The following CSMD2 variants were observed in gnomAD, a reference collection of about 807,000 sequenced individuals.
CSMD2 encodes the protein CUB and Sushi multiple domains 2.
Under a neutral mutation model 398.5 loss-of-function variants are expected in CSMD2, and 130 were observed. The observed-to-expected ratio is 0.33, with a 90% CI of 0.28 to 0.38. CSMD2 has a LOEUF of 0.38. Among genes scored for constraint, CSMD2 ranks in the 10% least tolerant of loss-of-function variants. CSMD2 has a pLI of 1.00. For synonymous variants in CSMD2, 1,828 were observed against 1,908.5 expected (o/e 0.96, Z 1.10); for missense variants, 3,829 against 4,764.9 (o/e 0.80, Z 5.78).
At chr1:34,114,835 A>C (rs1661448482) in intron 1 of CSMD2, among the ~76,000 whole-genome samples, 1 of 152,178 alleles carries the variant, frequency 6.6e-6, no homozygotes, top group African/African-American at 2.4e-5. Flanking sequence ...GGACACAAAT[A>C]GACAAACTAA....
chr1:33,529,734 T>C (rs550312616), intron 64 of CSMD2, among the ~76,000 whole-genome samples: 6 of 152,322 alleles, frequency 3.9e-5, no homozygotes, highest in Admixed American at 3.9e-4. Flanking sequence ...CACAGTTTCT[T>C]AGATATGACA....
At chr1:33,912,728 C>G (rs1190688238) in intron 5 of CSMD2, among the ~76,000 whole-genome samples, 1 of 152,172 alleles carries the variant, frequency 6.6e-6, no homozygotes, top group Non-Finnish European at 1.5e-5. Context: ...GTGCCTGACT[C>G]ACTGTGGAGT....
At chr1:33,571,931 T>C (rs1053515094) in intron 50 of CSMD2, among the ~76,000 whole-genome samples, 1 of 152,082 alleles carries the variant, frequency 6.6e-6, no homozygotes, top group African/African-American at 2.4e-5. Context: ...GCTAAAAAAT[T>C]AAAAATTAAA....
chr1:33,633,730 A>G lies in CSMD2; in HGVS notation c.5087-195T>C, dbSNP rs1229329851. On this transcript the variant is annotated intron_variant, in intron 31 of 70. Transcript: ENST00000373381. This position sits in a 1 kb window ranked among gnomAD's most constrained non-coding sequence, Gnocchi z 5.0. Reference sequence around the variant, plus strand: ...AGACACCCGGCACAGGGAGGCGGGGAGCTGGGAAGGCCGGGCTGGCCTTCA... The same window carrying G: ...AGACACCCGGCACAGGGAGGCGGGGGGCTGGGAAGGCCGGGCTGGCCTTCA... Among the ~76,000 whole-genome samples the G allele has an allele frequency of 1.3e-5, 2 of 152,200 alleles. No homozygotes were observed. The highest frequency in any genetic ancestry group is 2.9e-5 in the Non-Finnish European group (2 of 68,008).
intron 1 of CSMD2, among the ~76,000 whole-genome samples, chr1:34,144,055 C>T (rs1639545566): frequency 1.3e-5 from 2 of 152,072 alleles, no homozygotes; most frequent in South Asian, 4.2e-4. Context: ...CAGAGATAAG[C>T]GGGCCAGATG....
chr1:34,126,813 G>A, intron 1 of CSMD2, among the ~76,000 whole-genome samples: 1 of 151,342 alleles, frequency 6.6e-6, no homozygotes, highest in African/African-American at 2.4e-5. Flanking sequence ...AGGGGAGAGA[G>A]AGAGACATAG....
chr1:33,688,745 G>A (rs1451982574), intron 25 of CSMD2, among the ~76,000 whole-genome samples: 1 of 152,136 alleles, frequency 6.6e-6, no homozygotes, highest in Non-Finnish European at 1.5e-5. Context: ...GAACCTGGAA[G>A]GTAGGGGTTG....
intron 3 of CSMD2, among the ~76,000 whole-genome samples, chr1:33,961,033 C>T (rs1194168262): frequency 6.6e-6 from 1 of 152,216 alleles, no homozygotes; most frequent in Non-Finnish European, 1.5e-5. Flanking sequence ...GTTTACTGGG[C>T]CTTATATGAA....
chr1:33,759,333 T>G (rs1401012099), intron 13 of CSMD2, among the ~76,000 whole-genome samples: 11 of 140,968 alleles, frequency 7.8e-5, no homozygotes, highest in South Asian at 2.3e-4. Flanking sequence ...TCTTTTTTTT[T>G]TTTTTTTTTT....
chr1:33,584,345 C>A (rs1638927504), intron 46 of CSMD2, among the ~76,000 whole-genome samples: 1 of 152,126 alleles, frequency 6.6e-6, no homozygotes, highest in Non-Finnish European at 1.5e-5. Context: ...ACAGAGATAA[C>A]ACAGACCTTA....
intron 65 of CSMD2, among the ~76,000 whole-genome samples, chr1:33,526,388 T>C (rs114801095): frequency 9.4e-4 from 143 of 152,362 alleles, no homozygotes; most frequent in Non-Finnish European, 1.6e-3. Flanking sequence ...TCTCCCTGTA[T>C]AGGCTATGCC....
chr1:33,869,663 CCCAGGA>C (rs1176245132), intron 5 of CSMD2, among the ~76,000 whole-genome samples: 1 of 152,170 alleles, frequency 6.6e-6, no homozygotes, highest in Non-Finnish European at 1.5e-5. Context: ...TGCTCCTGGT[CCCAGGA>C]CCACAGACAA....
At chr1:33,588,920 A>C (rs1435898086) in intron 44 of CSMD2, among the ~76,000 whole-genome samples, 1 of 152,218 alleles carries the variant, frequency 6.6e-6, no homozygotes, top group African/African-American at 2.4e-5. Context: ...ATGGAATTGG[A>C]GCCCCTTTCC....
Position 34,099,936 on chromosome 1 carries a change from G to A in CSMD2, c.188-10743C>T, listed in dbSNP as rs1463956426. The stretch of plus-strand genomic sequence containing the variant: ...AAAGAGGGCAGATTGTAATAGGCAA[G>A]ATTGGCTGATGAGAAGGTGGAAGGC... On this transcript the variant is annotated intron_variant, in intron 1 of 70. Coordinates refer to ENST00000373381, the MANE Select transcript of CSMD2 (RefSeq NM_001281956.2). Among the ~76,000 whole-genome samples the A allele has an allele frequency of 2.6e-5, 4 of 152,198 alleles. No homozygotes were observed. The East Asian group carries it at 7.7e-4, about 29-fold the overall frequency.
At chr1:33,884,027 A>G (rs1641415047) in intron 5 of CSMD2, among the ~76,000 whole-genome samples, 1 of 152,260 alleles carries the variant, frequency 6.6e-6, no homozygotes, top group East Asian at 1.9e-4. Context: ...CCATGACCAT[A>G]GCAGACACAC....
rs1553316154 is a variant in CSMD2 at position 34,103,314 on chromosome 1, T to TTTTTTTC, written c.188-14122_188-14121insGAAAAAA. Reference sequence around the variant, plus strand: ...CTTTTTTTTTTTTTTTTTTTTTCTTTCTGAGCCAGATTCTCGCTCTGTCAA... The same window carrying TTTTTTTC: ...CTTTTTTTTTTTTTTTTTTTTTCTTTTTTTTTCCTGAGCCAGATTCTCGCTCTGTCAA... On this transcript the variant is annotated intron_variant, in intron 1 of 70. Transcript: ENST00000373381. Among the ~76,000 whole-genome samples the TTTTTTTC allele has an allele frequency of 2.0e-4, 23 of 114,706 alleles. 4 individuals carry two copies. The highest frequency in any genetic ancestry group is 1.6e-4 in the Non-Finnish European group (9 of 57,666). 75.3% of individuals were successfully genotyped at this position (114,706 alleles called of 152,430 possible). A position where few individuals can be genotyped will look rare whatever the true frequency, so the allele number is the denominator to read the frequency against.
Position 33,625,232 on chromosome 1 carries a change from C to A in CSMD2, c.5319G>T (p.Thr1773=), listed in dbSNP as rs748164797. The change falls in exon 34 of 71, where the codon ACG becomes ACT. Residue 1773 remains threonine (T), a synonymous_variant. Transcript: ENST00000373381. ...GGGGTTCCGGCACAGAGCTGCACTG[C>A]GTGGCGCTGGTTCGAGGAACCGCTG... ...VYQAVPRTSA[T]QCSSVPEPRY... 39 of 1,612,846 alleles carry A rather than the reference C, an allele frequency of 2.4e-5. No individual in the cohort carries two copies. The South Asian group carries it at 4.0e-4, about 16-fold the overall frequency.
chr1:33,716,373 C>A lies in CSMD2; in HGVS notation c.3130G>T (p.Ala1044Ser), dbSNP rs765882833. ...GCAGTGAAGTTGCCATAGAGCCCAG[C>A]GCTGATGGGAGCTGGCAGCCGAGAT... Reference protein sequence around the residue: ...TGSRLPAPISAGLYGNFTAQV... With the variant: ...TGSRLPAPISSGLYGNFTAQV... The change falls in exon 20 of 71, where the codon GCT becomes TCT. Residue 1044 changes from alanine (A) to serine (S), a missense_variant. Physicochemically the swap from Ala to Ser is moderately conservative, Grantham distance 99 (BLOSUM62 1). Coordinates refer to ENST00000373381, the MANE Select transcript of CSMD2 (RefSeq NM_001281956.2). 6.2e-7 allele frequency: 1 copy of A among 1,614,086 alleles called. No individual in the cohort carries two copies. Among genetic ancestry groups the A allele is most frequent in the South Asian group, 1.1e-5 (1 of 91,076 alleles).
chr1:34,038,207 T>C (rs1651395195), intron 2 of CSMD2, among the ~76,000 whole-genome samples: 2 of 152,200 alleles, frequency 1.3e-5, no homozygotes, highest in Admixed American at 1.3e-4. Context: ...AAATAAAACT[T>C]TCAGACTTTC....
Sources: allele counts gnomAD v4.1 joint callset (sites outside exome capture counted in the v4.1 genomes callset), GRCh38; gene constraint gnomAD v4.1.1; non-coding constraint Gnocchi (gnomAD v3.1); transcripts MANE v1.5; gene names NCBI Gene and HGNC (gene_info 2026-07-23, HGNC 2026-07-21).